Variants in SAMSN1 observed in about 807,000 individuals in gnomAD.
SAMSN1 encodes SAM domain, SH3 domain and nuclear localization signals 1.
Under a neutral mutation model 42.0 loss-of-function variants are expected in SAMSN1, and 31 were observed. The ratio of observed to expected loss-of-function variants is 0.74; its 90% CI spans 0.55 to 1.00. SAMSN1 has a LOEUF of 1.00. Ranked by LOEUF, SAMSN1 falls within the 50% of genes least tolerant of loss-of-function variation. The pLI, the probability that SAMSN1 is intolerant of heterozygous loss-of-function variation, is 0.00. For synonymous variants in SAMSN1, 178 were observed against 151.9 expected (o/e 1.17, Z -1.26); for missense variants, 464 against 439.4 (o/e 1.06, Z -0.50).
chr21:14,592,853 A>G (rs1982130026), intron 7 of SAMSN1, among the ~76,000 whole-genome samples: 1 of 152,200 alleles, frequency 6.6e-6, no homozygotes, highest in Non-Finnish European at 1.5e-5. Context: ...AAGGAATTTC[A>G]TAATCCTCCC....
chr21:14,545,995 A>G (rs1043780717), intron 1 of SAMSN1, among the ~76,000 whole-genome samples: 5 of 152,262 alleles, frequency 3.3e-5, no homozygotes, highest in Non-Finnish European at 5.9e-5. Context: ...AATATGCACC[A>G]TAAGACAAAA....
At chr21:14,556,303 C>A (rs1020806024) in intron 2 of SAMSN1, among the ~76,000 whole-genome samples, 4 of 152,108 alleles carry the variant, frequency 2.6e-5, no homozygotes, top group African/African-American at 9.7e-5. Flanking sequence ...GATCTTCATG[C>A]CATCATCTTT....
chr21:14,516,360 T>C (rs1394385903), intron 3 of SAMSN1, among the ~76,000 whole-genome samples: 1 of 152,218 alleles, frequency 6.6e-6, no homozygotes, highest in Non-Finnish European at 1.5e-5. Flanking sequence ...CTTCACATTG[T>C]TCTTCGCATC....
At position 14,498,495 on chromosome 21, in the gene SAMSN1, G is replaced by C. The variant is rs1403854028; in HGVS notation, c.866C>G (p.Pro289Arg). The change falls in exon 7 of 8, where the codon CCA becomes CGA. Residue 289 changes from proline to arginine, a missense_variant. Physicochemically the swap from Pro to Arg is moderately radical, Grantham distance 103. Transcript: ENST00000400566. The stretch of plus-strand genomic sequence containing the variant: ...TGATAGTAACCTTCTTCTGTCATCT[G>C]GGTTTTCAATATTTAATTCAATGAG... ...SHLIELNIEN[P>R]DDRRRLLSAA... 2 of 1,611,266 alleles carry C rather than the reference G, an allele frequency of 1.2e-6. No homozygotes were observed. Among genetic ancestry groups the C allele is most frequent in the African/African-American group, 2.7e-5 (2 of 74,608 alleles).
At chr21:14,606,613 CAATT>C (rs1254540206) in intron 5 of SAMSN1, among the ~76,000 whole-genome samples, 1 of 152,108 alleles carries the variant, frequency 6.6e-6, no homozygotes, top group Non-Finnish European at 1.5e-5. Context: ...GAAAATTTAA[CAATT>C]AACCTGAATT....
chr21:14,600,120 T>G (rs1982390496), intron 6 of SAMSN1, among the ~76,000 whole-genome samples: 1 of 152,120 alleles, frequency 6.6e-6, no homozygotes, highest in Non-Finnish European at 1.5e-5. Flanking sequence ...AACACTTATC[T>G]GATAGTCATT....
intron 2 of SAMSN1, among the ~76,000 whole-genome samples, chr21:14,616,322 A>C (rs926410291): frequency 6.6e-6 from 1 of 151,878 alleles, no homozygotes; most frequent in Non-Finnish European, 1.5e-5. Context: ...TTAAAAAAAA[A>C]CAACAGGTCT....
At chr21:14,628,843 A>C (rs1983248289) in intron 2 of SAMSN1, among the ~76,000 whole-genome samples, 1 of 152,176 alleles carries the variant, frequency 6.6e-6, no homozygotes, top group South Asian at 2.1e-4. Flanking sequence ...CATAGTTCTA[A>C]ATGCTTTTTG....
At chr21:14,636,045 G>A (rs1424022587) in intron 2 of SAMSN1, among the ~76,000 whole-genome samples, 1 of 152,028 alleles carries the variant, frequency 6.6e-6, no homozygotes, top group Non-Finnish European at 1.5e-5. Context: ...CCACCTATGA[G>A]TGAGAACATG....
intron 1 of SAMSN1, among the ~76,000 whole-genome samples, chr21:14,645,595 T>C (rs1228566070): frequency 6.6e-6 from 1 of 152,200 alleles, no homozygotes; most frequent in African/African-American, 2.4e-5. Flanking sequence ...AACTCCTTAA[T>C]GCCCACACAC....
chr21:14,552,380 G>A (rs141883387), intron 2 of SAMSN1, among the ~76,000 whole-genome samples: 23 of 152,166 alleles, frequency 1.5e-4, no homozygotes, highest in African/African-American at 5.3e-4. Context: ...ATTCTCACCC[G>A]CAAGGTGGAA....
At chr21:14,571,917 G>C (rs569149590) in intron 2 of SAMSN1, among the ~76,000 whole-genome samples, 11 of 152,248 alleles carry the variant, frequency 7.2e-5, no homozygotes, top group African/African-American at 2.4e-4. Flanking sequence ...AGCTTTCTTA[G>C]TTCCAGGGAG....
Position 14,485,667 on chromosome 21 carries a change from G to T in SAMSN1, c.*245C>A, listed in dbSNP as rs1986402302. ...CACACATACCAAAGTCTTACATTTT[G>T]CCTTTCTAATACAAGCAAGTGAAAT... On this transcript the variant is annotated 3_prime_UTR_variant, in exon 8 of 8. Transcript: ENST00000400566. 1.8e-5 allele frequency: 6 copies of T among 336,362 alleles called. No individual in the cohort carries two copies. In the South Asian group the frequency reaches 3.0e-4, roughly 17 times the overall value. The allele number at this position is 336,362 out of a possible 1,614,324, so 20.8% of individuals were successfully genotyped here.
At chr21:14,551,274 T>C (rs564648792), upstream of SAMSN1, among the ~76,000 whole-genome samples, 2 of 152,084 alleles carry the variant, frequency 1.3e-5, no homozygotes, top group Non-Finnish European at 2.9e-5. Flanking sequence ...ATCTCAGTTA[T>C]AGAAGAAACA....
intron 3 of SAMSN1, among the ~76,000 whole-genome samples, chr21:14,515,886 A>G (rs549603158): frequency 1.3e-5 from 2 of 152,254 alleles, no homozygotes; most frequent in Non-Finnish European, 2.9e-5. Flanking sequence ...AAAGCACATG[A>G]AAAGATTCTT....
chr21:14,512,665 C>G, intron 3 of SAMSN1, 92 bp from the exon 4 acceptor site: 1 of 1,172,928 alleles, frequency 8.5e-7, no homozygotes, highest in Non-Finnish European at 1.2e-6. Flanking sequence ...CATATTTTAG[C>G]AATAAAATAC....
intron 2 of SAMSN1, among the ~76,000 whole-genome samples, chr21:14,635,474 C>G (rs772654172): frequency 6.6e-6 from 1 of 152,180 alleles, no homozygotes; most frequent in Non-Finnish European, 1.5e-5. Flanking sequence ...GTCAAACACT[C>G]CACTATACCT....
intron 1 of SAMSN1, among the ~76,000 whole-genome samples, chr21:14,542,754 G>A (rs1980125786): frequency 6.6e-6 from 1 of 152,082 alleles, no homozygotes; most frequent in Non-Finnish European, 1.5e-5. Flanking sequence ...AGACCAGCCT[G>A]AGCAACATAA....
chr21:14,635,286 G>A (rs993963209), intron 2 of SAMSN1, among the ~76,000 whole-genome samples: 2 of 151,970 alleles, frequency 1.3e-5, no homozygotes, highest in Admixed American at 6.6e-5. Context: ...ACCATGACAC[G>A]CATATACCTA....
Sources: gnomAD v4.1 joint callset for allele counts (sites outside exome capture counted in the v4.1 genomes callset) on GRCh38, gnomAD v4.1.1 for gene constraint, MANE v1.5 for transcripts, NCBI Gene and HGNC (gene_info 2026-07-23, HGNC 2026-07-21) for gene names.